TNK2: variants seen among roughly 807,000 people sequenced by gnomAD.
TNK2 encodes tyrosine kinase non receptor 2, also known as activated CDC42 kinase 1.
Under a neutral mutation model 101.8 loss-of-function variants are expected in TNK2, and 83 were observed. That is an observed-to-expected ratio of 0.82 (90% CI 0.68 to 0.98). The LOEUF (loss-of-function observed/expected upper bound fraction) is 0.98, where lower values mean the gene tolerates loss of function less well. Among genes scored for constraint, TNK2 ranks in the 50% least tolerant of loss-of-function variants. The pLI is 0.00. For synonymous variants in TNK2, 804 were observed against 633.0 expected, an observed-to-expected ratio of 1.27 and a Z score of -4.06; for missense variants, 1,665 against 1,483.2, an observed-to-expected ratio of 1.12 and a Z score of -2.01.
At chr3:195,866,807 T>G (rs1576979529) in intron 15 of TNK2, 82 bp downstream of exon 15, 1 of 1,537,482 alleles carries the variant, frequency 6.5e-7, no homozygotes, top group Non-Finnish European at 8.8e-7. Context: ...GCCTGCGAGG[T>G]GTTGGGCTTC....
rs568373285 is a variant in TNK2 at position 195,902,119 on chromosome 3, G to C, written c.-19+6366C>G. Among the ~76,000 whole-genome samples the C allele has an allele frequency of 2.0e-5, 3 of 152,268 alleles. No homozygotes were observed. The South Asian group carries it at 6.2e-4, about 32-fold the overall frequency. On this transcript the variant is annotated intron_variant, in intron 1 of 15. Coordinates refer to ENST00000672887, the MANE Select transcript of TNK2 (RefSeq NM_001382273.1). Reference sequence around the variant, plus strand: ...GAATGGTAGAGGAAAAACCACCACAGAACTTTGGAAGCTGGAAAGCAGATG... The same window carrying C: ...GAATGGTAGAGGAAAAACCACCACACAACTTTGGAAGCTGGAAAGCAGATG...
At chr3:195,892,220 G>C (rs1392592107) in intron 1 of TNK2, among the ~76,000 whole-genome samples, 1 of 152,208 alleles carries the variant, frequency 6.6e-6, no homozygotes, top group Non-Finnish European at 1.5e-5. Flanking sequence ...TGTGGCCGGC[G>C]TGCAAACACA....
intron 9 of TNK2, among the ~76,000 whole-genome samples, chr3:195,876,269 A>G (rs1028586921): frequency 6.6e-6 from 1 of 152,184 alleles, no homozygotes. Context: ...GTACCCTGAG[A>G]AGGACTGAGC....
At chr3:195,869,623 C>T in intron 11 of TNK2, 82 bp from the exon 12 acceptor site, 1 of 1,372,724 alleles carries the variant, frequency 7.3e-7, no homozygotes, top group South Asian at 1.2e-5. Flanking sequence ...GACGAGAGGG[C>T]AGAGTGTAGA....
At chr3:195,894,071 T>C (rs1326338604) in intron 1 of TNK2, among the ~76,000 whole-genome samples, 1 of 152,162 alleles carries the variant, frequency 6.6e-6, no homozygotes, top group Non-Finnish European at 1.5e-5. Flanking sequence ...CAGGCCTGCG[T>C]TACACTGGAG....
chr3:195,897,443 G>C (rs1240958803), intron 1 of TNK2, among the ~76,000 whole-genome samples: 2 of 152,236 alleles, frequency 1.3e-5, no homozygotes, highest in Non-Finnish European at 2.9e-5. Context: ...GGCAGGCAAG[G>C]CTGTGTCTGC....
intron 1 of TNK2, chr3:195,895,309 A>G (rs755025847): frequency 1.9e-6 from 3 of 1,575,422 alleles, no homozygotes; most frequent in Non-Finnish European, 2.6e-6. Flanking sequence ...TGGAGCCCCA[A>G]ATCCCAGCGG....
At chr3:195,895,163 G>C (rs1397800890) in intron 1 of TNK2, 3 of 1,332,164 alleles carry the variant, frequency 2.3e-6, no homozygotes, top group Middle Eastern at 1.9e-4. Context: ...GGCCGCCGCA[G>C]GGGGCAGGGC....
At chr3:195,881,575 T>A (rs1389699823) in intron 6 of TNK2, among the ~76,000 whole-genome samples, 2 of 53,250 alleles carry the variant, frequency 3.8e-5, no homozygotes, top group African/African-American at 1.1e-4. Context: ...ACAGCATCTA[T>A]CCCTGTAACA....
chr3:195,872,677 A>C, intron 9 of TNK2: 1 of 555,446 alleles, frequency 1.8e-6, no homozygotes, highest in South Asian at 2.4e-5. Flanking sequence ...CTTACCCACA[A>C]CTCTCTAGGT....
rs1756869653 is a variant in TNK2, at chr3:195,888,012, G to C, written c.163+414C>G. ...TGTGCATGCGTGTGTGCGTGTGAGA[G>C]AGCAAGAAAGAGAGCGTGAGCACGA... On this transcript the variant is annotated intron_variant, in intron 2 of 15. Transcript: ENST00000672887. This position sits in a 1 kb window ranked among gnomAD's most constrained non-coding sequence, Gnocchi z 5.3. 6.6e-6 allele frequency among the ~76,000 whole-genome samples: 1 copy of C among 152,122 alleles called. No individual in the cohort carries two copies. Among genetic ancestry groups the C allele is most frequent in the Non-Finnish European group, 1.5e-5 (1 of 68,038 alleles).
Position 195,878,146 on chromosome 3 carries a change from G to C in TNK2, c.1256+107C>G. On this transcript the variant is annotated intron_variant, in intron 9 of 15. Coordinates refer to ENST00000672887, the MANE Select transcript of TNK2 (RefSeq NM_001382273.1). This position sits in a 1 kb window ranked among gnomAD's most constrained non-coding sequence, Gnocchi z 4.7. ...AGGGTTCAGGCCCAACCGCCAGCCT[G>C]TATGTGGCCAAGGGAATCTTGGAGG... is the stretch of plus-strand genomic sequence containing the variant. 4 of 1,212,242 alleles carry C rather than the reference G, an allele frequency of 3.3e-6. No individual in the cohort carries two copies. Among genetic ancestry groups the C allele is most frequent in the Non-Finnish European group, 4.9e-6 (4 of 824,654 alleles). 75.1% of individuals were successfully genotyped at this position (1,212,242 alleles called of 1,614,324 possible).
chr3:195,882,524 A>C lies in TNK2; in HGVS notation c.610-196T>G, dbSNP rs1331226556. On this transcript the variant is annotated intron_variant, in intron 5 of 15. Coordinates refer to ENST00000672887, the MANE Select transcript of TNK2 (RefSeq NM_001382273.1). The surrounding 1 kb of genome is among the most constrained non-coding windows in gnomAD (Gnocchi z 4.2). ...TCCCTCGAGGCAATTTGGGAAACTG[A>C]TGCCTAGAGAGAAGGAGCCCAAAGA... 6.5e-7 allele frequency: 1 copy of C among 1,533,646 alleles called. No individual in the cohort carries two copies. Among genetic ancestry groups the C allele is most frequent in the African/African-American group, 1.4e-5 (1 of 72,998 alleles).
chr3:195,879,858 ACAATAACCCGCC>A (rs1751418530), intron 6 of TNK2, among the ~76,000 whole-genome samples: 1 of 152,126 alleles, frequency 6.6e-6, no homozygotes, highest in South Asian at 2.1e-4. Context: ...TGAAATGAGA[ACAATAACCCGCC>A]CACTTCATCG....
At position 195,888,635 on chromosome 3, in the gene TNK2, A is replaced by C. The variant is rs1375065897; in HGVS notation, c.-18-29T>G. ...TGGGGGGAGGAGTGGCTCAGGGACA[A>C]GGGTTGTGGGGGGACAACAGGGGCC... On this transcript the variant is annotated intron_variant, in intron 1 of 15. Transcript: ENST00000672887. This position sits in a 1 kb window ranked among gnomAD's most constrained non-coding sequence, Gnocchi z 5.3. The C allele has an allele frequency of 6.3e-7, 1 of 1,589,544 alleles. No homozygotes were observed. The highest frequency in any genetic ancestry group is 1.7e-5 in the Admixed American group (1 of 58,776).
At position 195,867,592 on chromosome 3, in the gene TNK2, G is replaced by T. The variant is rs201997906; in HGVS notation, c.2706C>A (p.Pro902=). The T allele has an allele frequency of 6.3e-6, 10 of 1,592,066 alleles. No individual in the cohort carries two copies. Among genetic ancestry groups the T allele is most frequent in the East Asian group, 2.2e-5 (1 of 44,794 alleles). The part of the protein sequence containing the change: ...REAQSPEEPT[P]LPVPLLLPPP... ...GGGGCAGCAGCAGAGGCACAGGCAG[G>T]GGGGTAGGCTCCTCGGGGCTCTGGG... The change falls in exon 13 of 16, where the codon CCC becomes CCA. Residue 902 remains proline, a synonymous_variant. Coordinates refer to ENST00000672887, the MANE Select transcript of TNK2 (RefSeq NM_001382273.1).
At position 195,869,630 on chromosome 3, in the gene TNK2, T is replaced by C. The variant is rs1049340774; in HGVS notation, c.1544-89A>G. On this transcript the variant is annotated intron_variant, in intron 11 of 15. Coordinates refer to ENST00000672887, the MANE Select transcript of TNK2 (RefSeq NM_001382273.1). The stretch of plus-strand genomic sequence containing the variant: ...GACGGCCGGACGAGAGGGCAGAGTG[T>C]AGAGAGACGAAGGGAGAGAAGTGAA... The C allele has an allele frequency of 2.4e-6, 3 of 1,246,000 alleles. No individual in the cohort carries two copies. In the East Asian group the frequency reaches 7.6e-5, roughly 31 times the overall value. 77.2% of individuals were successfully genotyped at this position (1,246,000 alleles called of 1,614,324 possible). A position where few individuals can be genotyped will look rare whatever the true frequency, so the allele number is the denominator to read the frequency against.
chr3:195,869,620 G>A (rs1352463576), intron 11 of TNK2, 79 bp from the exon 12 acceptor site: 6 of 1,393,048 alleles, frequency 4.3e-6, no homozygotes, highest in African/African-American at 1.5e-5. Context: ...CCGGACGAGA[G>A]GGCAGAGTGT....
At position 195,868,663 on chromosome 3, in the gene TNK2, G is replaced by T. The variant is rs112740728; in HGVS notation, c.1635C>A (p.Ser545Arg). ...TCCGCAGGCCCAGCCTCTTGAAGTC[G>T]CTGGACAAGGGGTCTTGGTCCTCGC... ...PVSEDQDPLS[S>R]DFKRLGLRKP... The change falls in exon 13 of 16, where the codon AGC (serine) becomes AGA (arginine). Residue 545 changes from serine (S) to arginine (R), a missense_variant. By Grantham distance (110) the Ser-to-Arg change is moderately radical (BLOSUM62 -1). Transcript: ENST00000672887. The T allele has an allele frequency of 6.3e-7, 1 of 1,593,254 alleles. No individual in the cohort carries two copies. The highest frequency in any genetic ancestry group is 1.7e-5 in the Admixed American group (1 of 59,514).
Sources: allele counts gnomAD v4.1 joint callset (sites outside exome capture counted in the v4.1 genomes callset), GRCh38; gene constraint gnomAD v4.1.1; non-coding constraint Gnocchi (gnomAD v3.1); transcripts MANE v1.5; gene names NCBI Gene and HGNC (gene_info 2026-07-23, HGNC 2026-07-21).